MAP3K15: variants seen among roughly 807,000 people sequenced by gnomAD.
MAP3K15 encodes mitogen-activated protein kinase kinase kinase 15.
MAP3K15 carries 124 observed loss-of-function variants against 99.5 expected under a neutral mutation model. The observed-to-expected ratio is 1.25, with a 90% CI of 1.08 to 1.45. MAP3K15 has a LOEUF of 1.45. Ranked by LOEUF, MAP3K15 falls within the 40% of genes most tolerant of loss-of-function variation. The pLI, the probability that MAP3K15 is intolerant of heterozygous loss-of-function variation, is 0.00. For synonymous variants in MAP3K15, 494 were observed against 439.6 expected, an observed-to-expected ratio of 1.12 and a Z score of -1.55; for missense variants, 1,242 against 1,079.7, an observed-to-expected ratio of 1.15 and a Z score of -2.11.
At chrX:19,495,039 T>C (rs991353771) in intron 1 of MAP3K15, among the ~76,000 whole-genome samples, 1 of 111,597 alleles carries the variant, frequency 9.0e-6, no homozygotes, top group African/African-American at 3.3e-5. Flanking sequence ...TGAGATGGAG[T>C]CTTGCTCTGT....
intron 19 of MAP3K15, among the ~76,000 whole-genome samples, chrX:19,375,488 G>C (rs900754197): frequency 3.0e-4 from 34 of 112,219 alleles, no homozygotes; most frequent in African/African-American, 1.1e-3. Flanking sequence ...ACATCTCGCT[G>C]TGACACGGAC....
At chrX:19,437,481 T>G (rs2063930099) in intron 6 of MAP3K15, among the ~76,000 whole-genome samples, 1 of 111,662 alleles carries the variant, frequency 9.0e-6, no homozygotes, top group Non-Finnish European at 1.9e-5. Context: ...CTGTTCCACA[T>G]GCTGATCCCT....
At chrX:19,413,526 G>A in intron 10 of MAP3K15, 62 bp from the exon 11 acceptor site, 1 of 878,038 alleles carries the variant, frequency 1.1e-6, no homozygotes, top group Non-Finnish European at 1.6e-6. Flanking sequence ...ACCCTGCCCA[G>A]CGAGGAGGCG....
Position 19,488,812 on chromosome X carries a change from G to A in MAP3K15, c.501+16C>T. ...TCCCAAAACAAAGTACTCAGGAGAA[G>A]GTGAATACACTGTACCTTCAAAGAG... is the stretch of plus-strand genomic sequence containing the variant. On this transcript the variant is annotated intron_variant, in intron 2 of 28. Coordinates refer to ENST00000338883, the MANE Select transcript of MAP3K15 (RefSeq NM_001001671.4). 1 of 1,190,764 alleles carries A rather than the reference G, an allele frequency of 8.4e-7. No individual in the cohort carries two copies. The highest frequency in any genetic ancestry group is 1.1e-6 in the Non-Finnish European group (1 of 888,156).
At chrX:19,419,082 A>T (rs1314189582) in intron 9 of MAP3K15, among the ~76,000 whole-genome samples, 39 of 112,124 alleles carry the variant, frequency 3.5e-4, no homozygotes, top group African/African-American at 1.3e-3. Context: ...CACTGCAAAA[A>T]CATGCCAAAT....
At chrX:19,444,269 A>C (rs1166914451) in intron 6 of MAP3K15, among the ~76,000 whole-genome samples, 1 of 111,718 alleles carries the variant, frequency 9.0e-6, no homozygotes. Flanking sequence ...TTTTCATAGG[A>C]ATTTTCTCAT....
At chrX:19,475,543 G>A (rs370173093) in intron 3 of MAP3K15, among the ~76,000 whole-genome samples, 5 of 111,149 alleles carry the variant, frequency 4.5e-5, no homozygotes, top group African/African-American at 9.8e-5. Context: ...GATGCTTCAC[G>A]TAGAACATCC....
intron 23 of MAP3K15, 27 bp downstream of exon 23, chrX:19,371,318 T>C: frequency 8.4e-7 from 1 of 1,190,071 alleles, no homozygotes; most frequent in Non-Finnish European, 1.1e-6. Context: ...ATCTGGTGTG[T>C]TCCCTAGGGC....
intron 23 of MAP3K15, 132 bp downstream of exon 23, chrX:19,371,213 C>G: frequency 1.2e-6 from 1 of 846,099 alleles, no homozygotes; most frequent in Non-Finnish European, 1.7e-6. Context: ...TCCTGGACTT[C>G]ATTGTTTAGG....
At chrX:19,416,269 T>A (rs765750298) in intron 9 of MAP3K15, among the ~76,000 whole-genome samples, 11 of 110,538 alleles carry the variant, frequency 1.0e-4, no homozygotes, top group Non-Finnish European at 1.9e-4. Context: ...AGACGGAGGT[T>A]GCAGTGAGCT....
intron 9 of MAP3K15, among the ~76,000 whole-genome samples, chrX:19,424,749 G>A (rs758127173): frequency 1.8e-5 from 2 of 110,098 alleles, no homozygotes; most frequent in African/African-American, 3.3e-5. Context: ...AGGCTCAAGC[G>A]ATCCTTCTAC....
Position 19,369,182 on chromosome X carries a change from T to A in MAP3K15, c.3438A>T (p.Glu1146Asp). ...RAHFEPTCET[E>D]GVDKDMDEAE... ...CTTCATCCATGTCCTTATCTACCCC[T>A]TCAGTCTCACAGGTAGGCTCAAAGT... Residue 1146 changes from glutamate (E) to aspartate (D), a missense_variant, in exon 25 of 29, where the codon GAA becomes GAT. Transcript: ENST00000338883. 1 of 1,211,190 alleles carries A rather than the reference T, an allele frequency of 8.3e-7. No individual in the cohort carries two copies. The highest frequency in any genetic ancestry group is 1.1e-6 in the Non-Finnish European group (1 of 895,320).
chrX:19,415,512 C>T (rs775172455), intron 9 of MAP3K15, among the ~76,000 whole-genome samples: 17 of 111,913 alleles, frequency 1.5e-4, no homozygotes, highest in African/African-American at 4.2e-4. Flanking sequence ...TTAGTACCTA[C>T]TGCCTAAAAT....
At chrX:19,459,046 A>AACATC (rs2064113400) in intron 5 of MAP3K15, among the ~76,000 whole-genome samples, 1 of 111,765 alleles carries the variant, frequency 8.9e-6, no homozygotes, top group Non-Finnish European at 1.9e-5. Flanking sequence ...TCTCAGAATA[A>AACATC]ACATCTACAT....
In MAP3K15 at chrX:19,409,919, C is replaced by T. The variant is rs569483414; in HGVS notation, c.1748+5G>A. The stretch of plus-strand genomic sequence containing the variant: ...TAGTAACTCCATTTTCTCCTATGTT[C>T]TTACCTTATTCCCTTTATGGAAGAG... On this transcript the variant is annotated splice_donor_5th_base_variant and intron_variant, in intron 12 of 28. Transcript: ENST00000338883. 9 of 1,186,340 alleles carry T rather than the reference C, an allele frequency of 7.6e-6. No individual in the cohort carries two copies. Among genetic ancestry groups the T allele is most frequent in the Middle Eastern group, 4.7e-4 (2 of 4,243 alleles).
At chrX:19,414,222 CCAAAA>C (rs1406367626) in intron 10 of MAP3K15, 1 of 110,745 alleles carries the variant, frequency 9.0e-6, no homozygotes, top group African/African-American at 3.3e-5. Context: ...GAATAAATCT[CCAAAA>C]CAAATAAAAC....
intron 1 of MAP3K15, among the ~76,000 whole-genome samples, chrX:19,493,562 A>C (rs1342688168): frequency 9.0e-6 from 1 of 111,464 alleles, no homozygotes; most frequent in East Asian, 2.8e-4. Flanking sequence ...TTGTAATAAA[A>C]CACCAGATTG....
Position 19,384,748 on chromosome X carries a change from G to GA in MAP3K15, c.2432-4472_2432-4471insT, listed in dbSNP as rs1569205907. ...GATGGGAGTGAGACCTTGTCTCAGG[G>GA]GAAAAAAAAAAAAAAAAAAAAAAAA... is the stretch of plus-strand genomic sequence containing the variant. On this transcript the variant is annotated intron_variant, in intron 18 of 28. Transcript: ENST00000338883. 1.1e-3 allele frequency among the ~76,000 whole-genome samples: 62 copies of GA among 56,453 alleles called. 3 individuals carry two copies. Among genetic ancestry groups the GA allele is most frequent in the African/African-American group, 3.8e-3 (55 of 14,294 alleles). The allele number at this position is 56,453 out of a possible 115,157, so 49.0% of individuals were successfully genotyped here.
chrX:19,493,026 A>G (rs918818886), intron 1 of MAP3K15, among the ~76,000 whole-genome samples: 3 of 111,087 alleles, frequency 2.7e-5, no homozygotes, highest in African/African-American at 9.8e-5. Flanking sequence ...GTAGCAACAT[A>G]GATATTAATT....
Sources: allele counts gnomAD v4.1 joint callset (sites outside exome capture counted in the v4.1 genomes callset), GRCh38; gene constraint gnomAD v4.1.1; transcripts MANE v1.5; gene names NCBI Gene and HGNC (gene_info 2026-07-23, HGNC 2026-07-21).